The following DCAF7 variants were observed in gnomAD, a reference collection of about 807,000 sequenced individuals.
DCAF7 encodes DDB1- and CUL4-associated factor 7.
DCAF7 carries 4 observed loss-of-function variants against 41.2 expected under a neutral mutation model. The ratio of observed to expected loss-of-function variants is 0.10; its 90% CI spans 0.05 to 0.22. DCAF7 has a LOEUF of 0.22. DCAF7 is among the 10% of genes least tolerant of loss of function. DCAF7 has a pLI of 1.00. For synonymous variants in DCAF7, 143 were observed against 164.2 expected (o/e 0.87, Z 0.99); for missense variants, 131 against 443.2 (o/e 0.30, Z 6.32).
chr17:63,555,927 C>A (rs572733360), intron 1 of DCAF7, among the ~76,000 whole-genome samples: 1 of 152,330 alleles, frequency 6.6e-6, no homozygotes, highest in South Asian at 2.1e-4. Context: ...TGCCAAAGCT[C>A]TCGCTGCCAG....
chr17:63,580,759 T>A (rs2033614371), intron 4 of DCAF7, among the ~76,000 whole-genome samples: 1 of 152,042 alleles, frequency 6.6e-6, no homozygotes, highest in African/African-American at 2.4e-5. Context: ...TGACCTCAGG[T>A]GATCCACCCA....
Position 63,592,410 on chromosome 17 carries a change from A to AT in DCAF7, c.*3239dup, listed in dbSNP as rs1037669151. The AT allele has an allele frequency of 4.0e-5, 6 of 149,350 alleles. No individual in the cohort carries two copies. Among genetic ancestry groups the AT allele is most frequent in the African/African-American group, 1.3e-4 (5 of 39,876 alleles). 9.3% of individuals were successfully genotyped at this position (149,350 alleles called of 1,614,324 possible). On this transcript the variant is annotated 3_prime_UTR_variant, in exon 7 of 7. Coordinates refer to ENST00000614556, the MANE Select transcript of DCAF7 (RefSeq NM_005828.5). ...ACAGAGCAAGACTCCGTCTCAAAAA[A>AT]TAAAAAAAAAAAAAAAATAGGTGAA...
chr17:63,588,951 C>T (rs756998742), intron 6 of DCAF7, 49 bp from the exon 7 acceptor site: 2 of 1,556,324 alleles, frequency 1.3e-6, no homozygotes, highest in South Asian at 1.2e-5. Flanking sequence ...GGATCATCAT[C>T]CGCATTGCCT....
chr17:63,552,336 C>T (rs1260084502), intron 1 of DCAF7: 4 of 152,116 alleles, frequency 2.6e-5, no homozygotes, highest in Non-Finnish European at 4.4e-5. Flanking sequence ...CTTTGGAGTC[C>T]ACTTTGAGAA....
At chr17:63,588,188 G>GTTTTTTTTTTTTTTTTTTTTTTT (rs1568106611) in intron 6 of DCAF7, among the ~76,000 whole-genome samples, 1 of 122,004 alleles carries the variant, frequency 8.2e-6, no homozygotes, top group African/African-American at 4.7e-5. Flanking sequence ...TATTTTCTTG[G>GTTTTTTTTTTTTTTTTTTTTTTT]ATTTTTTTTT....
Position 63,583,690 on chromosome 17 carries a change from C to G in DCAF7, c.717C>G (p.Thr239=), listed in dbSNP as rs2033648238. The part of the protein sequence containing the change: ...WNKQDPNYLA[T]MAMDGMEVVI... ...AGCAGGACCCTAACTACCTGGCCAC[C>G]ATGGCCATGGATGGAATGGAGGTGA... is the stretch of plus-strand genomic sequence containing the variant. The change falls in exon 5 of 7, where the codon ACC becomes ACG. Residue 239 remains threonine, a synonymous_variant. Transcript: ENST00000614556. 1 of 1,613,892 alleles carries G rather than the reference C, an allele frequency of 6.2e-7. No individual in the cohort carries two copies. The highest frequency in any genetic ancestry group is 2.2e-5 in the East Asian group (1 of 44,876).
chr17:63,587,433 A>G (rs2033688874), intron 6 of DCAF7, among the ~76,000 whole-genome samples: 1 of 151,024 alleles, frequency 6.6e-6, no homozygotes, highest in African/African-American at 2.4e-5. Context: ...TAGAAGCCCC[A>G]TTTTCTGCTC....
chr17:63,588,547 A>G (rs2033701959), intron 6 of DCAF7, among the ~76,000 whole-genome samples: 2 of 148,126 alleles, frequency 1.4e-5, no homozygotes, highest in Non-Finnish European at 1.5e-5. Context: ...TCAGTCTTCT[A>G]TATAACACCT....
chr17:63,578,403 C>G (rs2033585413), intron 1 of DCAF7, 67 bp from the exon 2 acceptor site: 2 of 1,595,508 alleles, frequency 1.3e-6, no homozygotes, highest in African/African-American at 1.4e-5. Context: ...TGTCACTGAC[C>G]AGGGATCTAA....
At position 63,581,844 on chromosome 17, in the gene DCAF7, T is replaced by C. The variant is rs76651201; in HGVS notation, c.529-1658T>C. 8.3e-3 allele frequency among the ~76,000 whole-genome samples: 1,263 copies of C among 152,262 alleles called. 18 individuals carry two copies. Among genetic ancestry groups the C allele is most frequent in the Middle Eastern group, 0.031 (9 of 294 alleles). ...AGTCCACCTTTCTCTAGGAAAAGAC[T>C]TGTTTGGAAGGCTCTCATTGATACC... On this transcript the variant is annotated intron_variant, in intron 4 of 6. Transcript: ENST00000614556.
At chr17:63,572,057 C>T (rs776420025) in intron 1 of DCAF7, among the ~76,000 whole-genome samples, 22 of 152,084 alleles carry the variant, frequency 1.4e-4, no homozygotes, top group Non-Finnish European at 3.1e-4. Context: ...TGGGATTAGT[C>T]ACCAAACAGA....
At chr17:63,567,001 A>C (rs2033450135) in intron 1 of DCAF7, among the ~76,000 whole-genome samples, 1 of 152,134 alleles carries the variant, frequency 6.6e-6, no homozygotes, top group African/African-American at 2.4e-5. Context: ...ATGAGGTCTC[A>C]TTATGTTGCC....
chr17:63,584,674 A>G (rs1317902661), intron 5 of DCAF7, among the ~76,000 whole-genome samples: 1 of 152,216 alleles, frequency 6.6e-6, no homozygotes, highest in East Asian at 1.9e-4. Context: ...AGGCAGGAGA[A>G]TAGCTTGAAC....
At chr17:63,577,380 TC>T in intron 1 of DCAF7, among the ~76,000 whole-genome samples, 1 of 152,228 alleles carries the variant, frequency 6.6e-6, no homozygotes. Context: ...TTAGTGCTTT[TC>T]CCCTTATTGT....
chr17:63,589,151 C>T lies in DCAF7; in HGVS notation c.1008C>T (p.Cys336=). 6.2e-7 allele frequency: 1 copy of T among 1,613,942 alleles called. No individual in the cohort carries two copies. The highest frequency in any genetic ancestry group is 8.5e-7 in the Non-Finnish European group (1 of 1,179,872). ...GGATCGCCATCTGCTACAACAACTG[C>T]CTGGAGATACTCAGAGTGTAGTGTT... ...PDWIAICYNN[C]LEILRV is the part of the protein sequence containing the mutation. The change falls in exon 7 of 7, where the codon TGC becomes TGT. Residue 336 remains cysteine, a synonymous_variant. Coordinates refer to ENST00000614556, the MANE Select transcript of DCAF7 (RefSeq NM_005828.5).
At chr17:63,575,071 C>T (rs2033547147) in intron 1 of DCAF7, among the ~76,000 whole-genome samples, 1 of 152,092 alleles carries the variant, frequency 6.6e-6, no homozygotes. Flanking sequence ...AATCCCAGAA[C>T]TCTGTCAGGC....
At chr17:63,567,662 CTTT>C (rs967172228) in intron 1 of DCAF7, among the ~76,000 whole-genome samples, 1 of 151,972 alleles carries the variant, frequency 6.6e-6, no homozygotes, top group Non-Finnish European at 1.5e-5. Context: ...TGGCGTCCTT[CTTT>C]TTTTTCCCCC....
Position 63,578,592 on chromosome 17 carries a change from A to C in DCAF7, c.261A>C (p.Leu87=), listed in dbSNP as rs1241765509. Residue 87 remains leucine (L), a synonymous_variant, in exon 2 of 7, where the codon CTA becomes CTC. Coordinates refer to ENST00000614556, the MANE Select transcript of DCAF7 (RefSeq NM_005828.5). ...ACACAAAAGGCGTCTATCCAGACCT[A>C]CTGGCAACAAGCGGTGACTATCTCC... is the stretch of plus-strand genomic sequence containing the variant. The part of the protein sequence containing the change: ...IPDTKGVYPD[L]LATSGDYLRV... 1.9e-6 allele frequency: 3 copies of C among 1,614,024 alleles called. No individual in the cohort carries two copies. The highest frequency in any genetic ancestry group is 2.5e-6 in the Non-Finnish European group (3 of 1,179,874).
intron 4 of DCAF7, 30 bp downstream of exon 4, chr17:63,579,973 C>G: frequency 2.6e-6 from 4 of 1,565,368 alleles, no homozygotes; most frequent in Non-Finnish European, 3.5e-6. Context: ...CGTCTTTCCT[C>G]AAATGCTTCC....
Sources: gnomAD v4.1 joint callset for allele counts (sites outside exome capture counted in the v4.1 genomes callset) on GRCh38, gnomAD v4.1.1 for gene constraint, MANE v1.5 for transcripts, NCBI Gene and HGNC (gene_info 2026-07-23, HGNC 2026-07-21) for gene names.